The following KAZN variants were observed in gnomAD, a reference collection of about 807,000 sequenced individuals.
KAZN encodes the protein kazrin.
KAZN carries 40 observed loss-of-function variants against 87.4 expected under a neutral mutation model. That is an observed-to-expected ratio of 0.46 (90% CI 0.36 to 0.60). The LOEUF is 0.60. Among genes scored for constraint, KAZN ranks in the 20% least tolerant of loss-of-function variants. The pLI is 0.00. For synonymous variants in KAZN, 466 were observed against 458.3 expected (o/e 1.02, Z -0.22); for missense variants, 898 against 1,073.9 (o/e 0.84, Z 2.29).
At chr1:14,415,356 T>C (rs528934512) in intron 2 of KAZN, among the ~76,000 whole-genome samples, 87 of 152,326 alleles carry the variant, frequency 5.7e-4, no homozygotes, top group African/African-American at 1.8e-3. Context: ...AGAACCATTA[T>C]ATATTTTGGA....
At chr1:13,906,237 A>G (rs968487711) in intron 1 of KAZN, among the ~76,000 whole-genome samples, 5 of 152,136 alleles carry the variant, frequency 3.3e-5, no homozygotes, top group East Asian at 1.9e-4. Flanking sequence ...TTACTTTAAG[A>G]GTTCAGTTTT....
intron 2 of KAZN, among the ~76,000 whole-genome samples, chr1:14,218,196 T>C (rs1193269155): frequency 6.6e-6 from 1 of 152,126 alleles, no homozygotes; most frequent in Non-Finnish European, 1.5e-5. Context: ...TCCCCTGTGT[T>C]CTCTAGAATC....
At chr1:14,368,158 G>A (rs560657549) in intron 2 of KAZN, among the ~76,000 whole-genome samples, 1 of 152,062 alleles carries the variant, frequency 6.6e-6, no homozygotes, top group Non-Finnish European at 1.5e-5. Flanking sequence ...CAATGTGTTT[G>A]TTGACTGCTA....
chr1:14,577,979 A>G lies in KAZN; in HGVS notation c.250-21004A>G, dbSNP rs189163600. On this transcript the variant is annotated intron_variant, in intron 2 of 16. Coordinates refer to the KAZN transcript ENST00000636203. ...TGTTCAAACTTCCCCTCTATGACCT[A>G]CTAGCTCTGTGTCCTTGGGAAAGTG... 1.6e-4 allele frequency among the ~76,000 whole-genome samples: 25 copies of G among 152,186 alleles called. 1 individual carries two copies. In the East Asian group the frequency reaches 4.6e-3, roughly 28 times the overall value.
At chr1:14,697,145 A>G (rs1243068941) in intron 1 of KAZN, among the ~76,000 whole-genome samples, 1 of 144,742 alleles carries the variant, frequency 6.9e-6, no homozygotes, top group African/African-American at 2.6e-5. Context: ...ACCAACAAAA[A>G]AAAAAAAAAA....
At chr1:14,441,464 G>A (rs1666701230) in intron 2 of KAZN, among the ~76,000 whole-genome samples, 1 of 152,128 alleles carries the variant, frequency 6.6e-6, no homozygotes, top group Non-Finnish European at 1.5e-5. Context: ...GAAACCCTGG[G>A]CGTGAGGCCA....
chr1:14,231,192 TC>T (rs1469591847), intron 2 of KAZN, among the ~76,000 whole-genome samples: 1 of 152,192 alleles, frequency 6.6e-6, no homozygotes, highest in African/African-American at 2.4e-5. Flanking sequence ...GAGATGTTGA[TC>T]CTAGGAAATA....
At chr1:14,335,109 C>CA (rs369142361) in intron 2 of KAZN, among the ~76,000 whole-genome samples, 1 of 150,970 alleles carries the variant, frequency 6.6e-6, no homozygotes, top group Non-Finnish European at 1.5e-5. Context: ...ACTCGGTGCC[C>CA]CCCCCCCACC....
chr1:14,739,595 T>C lies in KAZN; in HGVS notation c.226+140372T>C, dbSNP rs1644021362. Among the ~76,000 whole-genome samples, 2 of 152,058 alleles carry C rather than the reference T, an allele frequency of 1.3e-5. 1 individual carries two copies. Among genetic ancestry groups the C allele is most frequent in the African/African-American group, 4.8e-5 (2 of 41,420 alleles). On this transcript the variant is annotated intron_variant, in intron 1 of 14. Coordinates refer to ENST00000376030, the MANE Select transcript of KAZN (RefSeq NM_201628.3). ...GGCTAGGCTGATGAAGGGAGGGATG[T>C]CATTTTCTCACTTGAGGACGCTTTC...
At chr1:14,478,684 T>C (rs1668907292) in intron 2 of KAZN, among the ~76,000 whole-genome samples, 1 of 152,218 alleles carries the variant, frequency 6.6e-6, no homozygotes, top group Non-Finnish European at 1.5e-5. Flanking sequence ...GTCTCTAGGC[T>C]TCATCCCTAC....
At chr1:14,860,915 C>T (rs1339261814) in intron 1 of KAZN, among the ~76,000 whole-genome samples, 2 of 152,130 alleles carry the variant, frequency 1.3e-5, no homozygotes, top group African/African-American at 2.4e-5. Context: ...GTCATGAAAA[C>T]GATTACTTCT....
At chr1:15,085,113 G>A (rs1640186247) in intron 8 of KAZN, among the ~76,000 whole-genome samples, 1 of 151,962 alleles carries the variant, frequency 6.6e-6, no homozygotes, top group African/African-American at 2.4e-5. Flanking sequence ...GACTAAATAG[G>A]TGAAGAGATA....
intron 1 of KAZN, among the ~76,000 whole-genome samples, chr1:14,792,475 A>C (rs905373239): frequency 2.0e-5 from 3 of 152,198 alleles, no homozygotes; most frequent in African/African-American, 7.2e-5. Flanking sequence ...GAAGAAGTCT[A>C]CAGCCATCTC....
At chr1:14,129,512 A>G (rs546484924) in intron 1 of KAZN, among the ~76,000 whole-genome samples, 1 of 152,262 alleles carries the variant, frequency 6.6e-6, no homozygotes, top group Non-Finnish European at 1.5e-5. Context: ...TCCACTTTCC[A>G]GTGGGAGAAT....
At chr1:14,252,557 C>T (rs1390114938) in intron 2 of KAZN, among the ~76,000 whole-genome samples, 2 of 152,294 alleles carry the variant, frequency 1.3e-5, no homozygotes, top group Non-Finnish European at 1.5e-5. Flanking sequence ...TCAGGCAACT[C>T]ATGCTCTTCC....
intron 2 of KAZN, among the ~76,000 whole-genome samples, chr1:14,419,954 G>A (rs189398832): frequency 7.9e-5 from 12 of 152,312 alleles, no homozygotes; most frequent in African/African-American, 2.2e-4. Context: ...CAAGGTGGAA[G>A]GGAACATTAG....
chr1:14,735,563 C>A lies in KAZN; in HGVS notation c.226+136340C>A, dbSNP rs149014476. 6.6e-6 allele frequency among the ~76,000 whole-genome samples: 1 copy of A among 152,298 alleles called. No individual in the cohort carries two copies. The highest frequency in any genetic ancestry group is 1.5e-5 in the Non-Finnish European group (1 of 68,024). On this transcript the variant is annotated intron_variant, in intron 1 of 14. Coordinates refer to ENST00000376030, the MANE Select transcript of KAZN (RefSeq NM_201628.3). This position sits in a 1 kb window ranked among gnomAD's most constrained non-coding sequence, Gnocchi z 4.3. ...CTCAGAGAGAATGTGCTAAACCCCACACACCTAACGGCCGTTTTCACATGG... is the reference window on the plus strand; with the variant it reads ...CTCAGAGAGAATGTGCTAAACCCCAAACACCTAACGGCCGTTTTCACATGG...
chr1:14,833,659 G>A (rs963560081), intron 1 of KAZN, among the ~76,000 whole-genome samples: 2 of 152,150 alleles, frequency 1.3e-5, no homozygotes, highest in African/African-American at 2.4e-5. Context: ...CCTGTGCAGT[G>A]AGGATTTCAT....
intron 2 of KAZN, among the ~76,000 whole-genome samples, chr1:14,239,152 C>T (rs963460554): frequency 2.6e-5 from 4 of 152,132 alleles, no homozygotes; most frequent in East Asian, 1.9e-4. Context: ...CCTCATTTTC[C>T]GTAAGTCATG....
Sources: allele counts gnomAD v4.1 joint callset (sites outside exome capture counted in the v4.1 genomes callset), GRCh38; gene constraint gnomAD v4.1.1; non-coding constraint Gnocchi (gnomAD v3.1); transcripts MANE v1.5; gene names NCBI Gene and HGNC (gene_info 2026-07-23, HGNC 2026-07-21).